SERINC2: variants seen among roughly 807,000 people sequenced by gnomAD.
The protein encoded by SERINC2 is tumor differentially expressed protein 2.
In SERINC2, 56 loss-of-function variants were observed where a neutral mutation model predicts 54.2. The ratio of observed to expected loss-of-function variants is 1.03; its 90% CI spans 0.83 to 1.29. The LOEUF is 1.29. Among genes scored for constraint, SERINC2 ranks in the 50% most tolerant of loss-of-function variants. The probability of loss-of-function intolerance (pLI) is 0.00; values close to 1 mark genes in which losing one functional copy is unlikely to be tolerated. For synonymous variants in SERINC2, 272 were observed against 253.1 expected, an observed-to-expected ratio of 1.07 and a Z score of -0.71; for missense variants, 614 against 607.4, an observed-to-expected ratio of 1.01 and a Z score of -0.12.
At position 31,425,882 on chromosome 1, in the gene SERINC2, C is replaced by T. The variant is rs782279098; in HGVS notation, c.579C>T (p.Ala193=). 55 of 1,612,708 alleles carry T rather than the reference C, an allele frequency of 3.4e-5. No homozygotes were observed. Among genetic ancestry groups the T allele is most frequent in the Admixed American group, 8.3e-5 (5 of 59,992 alleles). ...GGAACCAGCGGTGGCTGGGCAAGGC[C>T]GAGGAGTGCGATTCCCGTGCCTGGT... ...HSWNQRWLGK[A]EECDSRAWYA... is the part of the protein sequence containing the mutation. Residue 193 remains alanine, a synonymous_variant, in exon 5 of 10, where the codon GCC becomes GCT. Transcript: ENST00000373709.
chr1:31,426,388 T>A (rs1405945081), intron 5 of SERINC2, among the ~76,000 whole-genome samples: 1 of 152,162 alleles, frequency 6.6e-6, no homozygotes, highest in Non-Finnish European at 1.5e-5. Context: ...AGCCTGTACC[T>A]CGTTCAGTTT....
intron 8 of SERINC2, among the ~76,000 whole-genome samples, chr1:31,432,729 C>T (rs551099809): frequency 3.5e-4 from 54 of 152,160 alleles, no homozygotes; most frequent in Non-Finnish European, 6.0e-4. Flanking sequence ...AGAGGAGGTA[C>T]GATTATCCCT....
rs1640696085 is a variant in SERINC2 at position 31,413,469 on chromosome 1, C to T, written c.39+165C>T. 6.6e-6 allele frequency among the ~76,000 whole-genome samples: 1 copy of T among 152,030 alleles called. No homozygotes were observed. The highest frequency in any genetic ancestry group is 2.4e-5 in the African/African-American group (1 of 41,420). On this transcript the variant is annotated intron_variant, in intron 1 of 9. Transcript: ENST00000373709. The surrounding 1 kb of genome is among the most constrained non-coding windows in gnomAD (Gnocchi z 5.0). Reference sequence around the variant, plus strand: ...CGCCCTCCTGGACCTTCACTCGGCACCCGGATCCCGCTGCCCCCGTCCCCC... The same window carrying T: ...CGCCCTCCTGGACCTTCACTCGGCATCCGGATCCCGCTGCCCCCGTCCCCC...
intron 8 of SERINC2, among the ~76,000 whole-genome samples, chr1:31,430,950 C>T (rs938691312): frequency 6.6e-6 from 1 of 152,162 alleles, no homozygotes; most frequent in Admixed American, 6.5e-5. Context: ...CATTTTAAAG[C>T]TCTTTCACAT....
In SERINC2 at chr1:31,432,865, G is replaced by T. The variant is rs150653228; in HGVS notation, c.1014-102G>T. The T allele has an allele frequency of 5.3e-3, 4,561 of 861,534 alleles. 18 individuals are homozygous for T. The highest frequency in any genetic ancestry group is 6.6e-3 in the Non-Finnish European group (3,673 of 552,858). 53.4% of individuals were successfully genotyped at this position (861,534 alleles called of 1,614,324 possible). A position where few individuals can be genotyped will look rare whatever the true frequency, so the allele number is the denominator to read the frequency against. On this transcript the variant is annotated intron_variant, in intron 8 of 9. Transcript: ENST00000373709. ...AGCAGTTTGTTAACTCCCAGGCCCA[G>T]TAACCGGGTCGCTGGCCTCTGAGGC... is the stretch of plus-strand genomic sequence containing the variant.
At chr1:31,433,917 G>A in intron 9 of SERINC2, 147 bp from the exon 10 acceptor site, 1 of 780,340 alleles carries the variant, frequency 1.3e-6, no homozygotes, top group Non-Finnish European at 2.1e-6. Flanking sequence ...CACAAGGCCG[G>A]GTGTTAAAAA....
rs1382739360 is a variant in SERINC2 at position 31,413,320 on chromosome 1, G to A, written c.39+16G>A. 6 of 1,248,622 alleles carry A rather than the reference G, an allele frequency of 4.8e-6. No individual in the cohort carries two copies. Among genetic ancestry groups the A allele is most frequent in the South Asian group, 3.2e-5 (1 of 30,786 alleles). The allele number at this position is 1,248,622 out of a possible 1,614,324, so 77.3% of individuals were successfully genotyped here. On this transcript the variant is annotated intron_variant, in intron 1 of 9. Coordinates refer to ENST00000373709, the MANE Select transcript of SERINC2 (RefSeq NM_178865.5). The surrounding 1 kb of genome is among the most constrained non-coding windows in gnomAD (Gnocchi z 5.0). ...GCTCAGCTGCGTGAGTCCCGACCCC[G>A]GCGCCCGCCCGCGCGCGCCGCCCGT...
At chr1:31,410,870 C>T (rs1640636377), upstream of SERINC2, among the ~76,000 whole-genome samples, 1 of 152,048 alleles carries the variant, frequency 6.6e-6, no homozygotes, top group Non-Finnish European at 1.5e-5. Flanking sequence ...GCTCTTAGAG[C>T]AGAAGTGTCC....
At chr1:31,421,856 G>A (rs1290778426) in intron 1 of SERINC2, among the ~76,000 whole-genome samples, 1 of 152,214 alleles carries the variant, frequency 6.6e-6, no homozygotes, top group East Asian at 1.9e-4. Flanking sequence ...TGCTCACCAA[G>A]CTTTGGCCAC....
At position 31,425,871 on chromosome 1, in the gene SERINC2, C is replaced by T. The variant is rs782250708; in HGVS notation, c.568C>T (p.Leu190=). The change falls in exon 5 of 10, where the codon CTG becomes TTG. Residue 190 remains leucine, a synonymous_variant. Transcript: ENST00000373709. The part of the protein sequence containing the change: ...DFAHSWNQRW[L]GKAEECDSRA... ...TGCGCACTCCTGGAACCAGCGGTGG[C>T]TGGGCAAGGCCGAGGAGTGCGATTC... 1 of 1,613,328 alleles carries T rather than the reference C, an allele frequency of 6.2e-7. No homozygotes were observed. The highest frequency in any genetic ancestry group is 1.1e-5 in the South Asian group (1 of 91,064).
chr1:31,434,279 C>G lies in SERINC2; in HGVS notation c.*80C>G. Reference sequence around the variant, plus strand: ...CAGTGACAGCCAACCTGCCCCCTCCCCACACCAATCAGCCAGGCTGAGCCC... The same window carrying G: ...CAGTGACAGCCAACCTGCCCCCTCCGCACACCAATCAGCCAGGCTGAGCCC... On this transcript the variant is annotated 3_prime_UTR_variant, in exon 10 of 10. Coordinates refer to ENST00000373709, the MANE Select transcript of SERINC2 (RefSeq NM_178865.5). 1 of 1,444,794 alleles carries G rather than the reference C, an allele frequency of 6.9e-7. No homozygotes were observed. Among genetic ancestry groups the G allele is most frequent in the South Asian group, 1.2e-5 (1 of 80,080 alleles). 89.5% of individuals were successfully genotyped at this position (1,444,794 alleles called of 1,614,324 possible). A position where few individuals can be genotyped will look rare whatever the true frequency, so the allele number is the denominator to read the frequency against.
At position 31,413,214 on chromosome 1, in the gene SERINC2, A is replaced by G; in HGVS notation, c.-52A>G. 1.9e-6 allele frequency: 2 copies of G among 1,080,666 alleles called. No individual in the cohort carries two copies. The highest frequency in any genetic ancestry group is 2.2e-6 in the Non-Finnish European group (2 of 895,702). The allele number at this position is 1,080,666 out of a possible 1,614,324, so 66.9% of individuals were successfully genotyped here. A position where few individuals can be genotyped will look rare whatever the true frequency, so the allele number is the denominator to read the frequency against. On this transcript the variant is annotated 5_prime_UTR_variant, in exon 1 of 10. Coordinates refer to ENST00000373709, the MANE Select transcript of SERINC2 (RefSeq NM_178865.5). The surrounding 1 kb of genome is among the most constrained non-coding windows in gnomAD (Gnocchi z 5.0). ...GGCCAGGCCCGGCACCCGGATCCCG[A>G]GGTCCGCGCCCCGCGCCCGGCGCCG...
intron 8 of SERINC2, among the ~76,000 whole-genome samples, chr1:31,430,129 C>T (rs990361127): frequency 2.6e-5 from 4 of 152,120 alleles, no homozygotes; most frequent in African/African-American, 4.8e-5. Context: ...CTCTTTAGGC[C>T]TCCATTTCCT....
rs1640700588 is a variant in SERINC2 at position 31,413,650 on chromosome 1, C to A, written c.39+346C>A. Reference sequence around the variant, plus strand: ...GCAGCTCTGTGGGCCCTCGTCGCCCCACTTGGGGCGGTCCTCGGGGTGGCC... The same window carrying A: ...GCAGCTCTGTGGGCCCTCGTCGCCCAACTTGGGGCGGTCCTCGGGGTGGCC... On this transcript the variant is annotated intron_variant, in intron 1 of 9. Transcript: ENST00000373709. This position sits in a 1 kb window ranked among gnomAD's most constrained non-coding sequence, Gnocchi z 5.0. 6.6e-6 allele frequency among the ~76,000 whole-genome samples: 1 copy of A among 151,992 alleles called. No homozygotes were observed. The highest frequency in any genetic ancestry group is 1.5e-5 in the Non-Finnish European group (1 of 67,972).
At chr1:31,413,055 A>G, upstream of SERINC2, 2 of 746,812 alleles carry the variant, frequency 2.7e-6, no homozygotes, top group Non-Finnish European at 1.6e-6. The surrounding 1 kb of genome is among the most constrained non-coding windows in gnomAD (Gnocchi z 5.0). Flanking sequence ...GGAATCCCCG[A>G]CCGGCCCCTT....
Position 31,434,434 on chromosome 1 carries a change from T to A in SERINC2, c.*235T>A. On this transcript the variant is annotated 3_prime_UTR_variant, in exon 10 of 10. Transcript: ENST00000373709. The stretch of plus-strand genomic sequence containing the variant: ...GCCACACCCACACGGTGGAGCTGCC[T>A]CTTCCTTCCCCTCCTCCCTGTTGCC... 1.8e-6 allele frequency: 1 copy of A among 558,210 alleles called. No homozygotes were observed. The highest frequency in any genetic ancestry group is 3.2e-6 in the Non-Finnish European group (1 of 314,096). The allele number at this position is 558,210 out of a possible 1,614,324, so 34.6% of individuals were successfully genotyped here.
At chr1:31,431,491 G>A (rs550914227) in intron 8 of SERINC2, among the ~76,000 whole-genome samples, 97 of 152,052 alleles carry the variant, frequency 6.4e-4, no homozygotes, top group South Asian at 4.2e-3. Flanking sequence ...CATGGTGGCC[G>A]GTGGCCAAGG....
rs782566601 is a variant in SERINC2 at position 31,434,249 on chromosome 1, C to G, written c.*50C>G. On this transcript the variant is annotated 3_prime_UTR_variant, in exon 10 of 10. Transcript: ENST00000373709. ...GTGCCTCCTGCCACCTGGTGCCTCTCGGCTCAGTGACAGCCAACCTGCCCC... is the reference window on the plus strand; with the variant it reads ...GTGCCTCCTGCCACCTGGTGCCTCTGGGCTCAGTGACAGCCAACCTGCCCC... 1.2e-4 allele frequency: 189 copies of G among 1,584,544 alleles called. No individual in the cohort carries two copies. Among genetic ancestry groups the G allele is most frequent in the Non-Finnish European group, 1.6e-4 (181 of 1,165,950 alleles).
At chr1:31,410,177 A>G (rs1640624185), upstream of SERINC2, 1 of 1,434,982 alleles carries the variant, frequency 7.0e-7, no homozygotes, top group African/African-American at 1.4e-5. Context: ...ACTTGCCAGT[A>G]TCACATAGCT....
Sources: gnomAD v4.1 joint callset for allele counts (sites outside exome capture counted in the v4.1 genomes callset) on GRCh38, gnomAD v4.1.1 for gene constraint, Gnocchi (gnomAD v3.1) non-coding constraint, MANE v1.5 for transcripts, NCBI Gene and HGNC (gene_info 2026-07-23, HGNC 2026-07-21) for gene names.